The following MUC4 variants were observed in gnomAD, a reference collection of about 807,000 sequenced individuals.
The protein encoded by MUC4 is mucin-4.
MUC4 carries 202 observed loss-of-function variants against 257.9 expected under a neutral mutation model. The observed-to-expected ratio is 0.78, with a 90% CI of 0.70 to 0.88. MUC4 has a LOEUF of 0.88. Among genes scored for constraint, MUC4 ranks in the 40% least tolerant of loss-of-function variants. The pLI is 0.00. For missense variants in MUC4, 5,976 were observed against 6,513.7 expected, an observed-to-expected ratio of 0.92 and a Z score of 2.84; for synonymous variants, 2,351 against 2,757.1, an observed-to-expected ratio of 0.85 and a Z score of 4.62.
Position 195,791,460 on chromosome 3 carries a change from A to G in MUC4, c.120T>C (p.Thr40=). ...AGCCTGTTGAGGTGACTGGGGCAGC[A>G]GTTTTACTTCCAGTTATTAATGTGT... ...TEDTLITGSK[T]AAPVTSTGST... Residue 40 remains threonine (T), a synonymous_variant, in exon 2 of 25, where the codon ACT becomes ACC. Coordinates refer to ENST00000463781, the MANE Select transcript of MUC4 (RefSeq NM_018406.7). 6.2e-7 allele frequency: 1 copy of G among 1,613,888 alleles called. No homozygotes were observed. The highest frequency in any genetic ancestry group is 8.5e-7 in the Non-Finnish European group (1 of 1,179,854).
rs1560266899 is a variant in MUC4, at chr3:195,767,943, C to CTA, written c.13529+1078_13529+1079insTA. On this transcript the variant is annotated intron_variant, in intron 7 of 24. Coordinates refer to ENST00000463781, the MANE Select transcript of MUC4 (RefSeq NM_018406.7). ...ACTGCCACCTCCACCGCCACTACCA[C>CTA]CACCACCACCACCACCACCACCACT... Among the ~76,000 whole-genome samples, 5 of 90,478 alleles carry CTA rather than the reference C, an allele frequency of 5.5e-5. 1 individual carries two copies. The highest frequency in any genetic ancestry group is 9.5e-5 in the African/African-American group (3 of 31,556). The allele number at this position is 90,478 out of a possible 152,430, so 59.4% of individuals were successfully genotyped here.
chr3:195,767,342 C>T (rs1720728302), intron 7 of MUC4, among the ~76,000 whole-genome samples: 1 of 151,952 alleles, frequency 6.6e-6, no homozygotes, highest in Admixed American at 6.6e-5. Flanking sequence ...CTTGATACAA[C>T]AGATGCTGCC....
intron 7 of MUC4, among the ~76,000 whole-genome samples, chr3:195,768,392 A>AGCC: frequency 1.3e-5 from 2 of 152,218 alleles, no homozygotes; most frequent in Non-Finnish European, 2.9e-5. Flanking sequence ...ACACACGGGA[A>AGCC]TCCACATTTC....
At chr3:195,794,608 TG>T (rs1374526859) in intron 1 of MUC4, among the ~76,000 whole-genome samples, 1 of 152,284 alleles carries the variant, frequency 6.6e-6, no homozygotes, top group East Asian at 1.9e-4. Context: ...GCGATCCTCC[TG>T]CTTCAGACTC....
Position 195,761,156 on chromosome 3 carries a change from T to C in MUC4, c.14615-39A>G, listed in dbSNP as rs530035562. 3 of 1,565,308 alleles carry C rather than the reference T, an allele frequency of 1.9e-6. No homozygotes were observed. The East Asian group carries it at 6.7e-5, about 35-fold the overall frequency. ...AGCGCGGTGGTACCAGGCATGGCACTCAGCCTTATTCCATCTGTGTCCACC... is the reference window on the plus strand; with the variant it reads ...AGCGCGGTGGTACCAGGCATGGCACCCAGCCTTATTCCATCTGTGTCCACC... On this transcript the variant is annotated intron_variant, in intron 15 of 24. Transcript: ENST00000463781.
At chr3:195,798,686 A>T (rs1262269777) in intron 1 of MUC4, among the ~76,000 whole-genome samples, 3 of 152,190 alleles carry the variant, frequency 2.0e-5, no homozygotes, top group Non-Finnish European at 2.9e-5. Flanking sequence ...CCTGGGTGAC[A>T]GAGTGAGACT....
chr3:195,767,609 T>C (rs1395752019), intron 7 of MUC4, among the ~76,000 whole-genome samples: 1 of 27,266 alleles, frequency 3.7e-5, no homozygotes, highest in Non-Finnish European at 8.0e-5. Flanking sequence ...ATCATCACCA[T>C]TGCCACCACC....
intron 3 of MUC4, among the ~76,000 whole-genome samples, chr3:195,775,484 C>G (rs77120640): frequency 2.5e-4 from 17 of 67,124 alleles, no homozygotes; most frequent in Non-Finnish European, 3.0e-4. Context: ...ACCTTCCACA[C>G]CCATACCTTC....
intron 14 of MUC4, 60 bp from the exon 15 acceptor site, chr3:195,761,645 G>T: frequency 7.5e-7 from 1 of 1,332,216 alleles, no homozygotes; most frequent in South Asian, 1.2e-5. Flanking sequence ...TTCCTGGGGA[G>T]CATCCGGCGG....
In MUC4 at chr3:195,778,025, T is replaced by C. The variant is rs142278062; in HGVS notation, c.12943+278A>G. Reference sequence around the variant, plus strand: ...GCTCTGCATTCCTTAGGGCCTTCCATTGTGTGCACTTAGACCCTGGGATGA... The same window carrying C: ...GCTCTGCATTCCTTAGGGCCTTCCACTGTGTGCACTTAGACCCTGGGATGA... On this transcript the variant is annotated intron_variant, in intron 3 of 24. Coordinates refer to ENST00000463781, the MANE Select transcript of MUC4 (RefSeq NM_018406.7). Among the ~76,000 whole-genome samples the C allele has an allele frequency of 7.8e-3, 1,182 of 152,286 alleles. 22 individuals carry two copies. The highest frequency in any genetic ancestry group is 0.027 in the African/African-American group (1,136 of 41,552).
In MUC4 at chr3:195,789,445, G is replaced by A; in HGVS notation, c.2135C>T (p.Ala712Val). 6.2e-7 allele frequency: 1 copy of A among 1,613,952 alleles called. No homozygotes were observed. The highest frequency in any genetic ancestry group is 8.5e-7 in the Non-Finnish European group (1 of 1,179,864). ...ATGGCTGCTGGGTGCTGCCTGCAGT[G>A]CTGTGGTCGGGGCCTGGGTTGTGTG... ...DGHTTQAPTTALQAAPSSHDA... is the reference protein window; with the variant it reads ...DGHTTQAPTTVLQAAPSSHDA... The change falls in exon 2 of 25, where the codon GCA becomes GTA. Residue 712 changes from alanine to valine, a missense_variant. Physicochemically the swap from Ala to Val is moderately conservative, Grantham distance 64. Coordinates refer to ENST00000463781, the MANE Select transcript of MUC4 (RefSeq NM_018406.7).
In MUC4 at chr3:195,811,891, T is replaced by A; in HGVS notation, c.-74A>T. On this transcript the variant is annotated 5_prime_UTR_variant, in exon 1 of 25. Coordinates refer to ENST00000463781, the MANE Select transcript of MUC4 (RefSeq NM_018406.7). Reference sequence around the variant, plus strand: ...GCAGCTGCAGTGTGAGGAGCAGACGTGAGCCCGTCCCCTCAGGCGGCTGGC... The same window carrying A: ...GCAGCTGCAGTGTGAGGAGCAGACGAGAGCCCGTCCCCTCAGGCGGCTGGC... 1.4e-6 allele frequency: 2 copies of A among 1,453,988 alleles called. No homozygotes were observed. Among genetic ancestry groups the A allele is most frequent in the Non-Finnish European group, 1.9e-6 (2 of 1,047,656 alleles). The allele number at this position is 1,453,988 out of a possible 1,614,324, so 90.1% of individuals were successfully genotyped here.
intron 7 of MUC4, among the ~76,000 whole-genome samples, chr3:195,767,571 CAT>C: frequency 8.5e-6 from 1 of 117,234 alleles, no homozygotes; most frequent in African/African-American, 4.6e-5. Context: ...TTGCCACCAC[CAT>C]CACCACCACC....
At position 195,761,064 on chromosome 3, in the gene MUC4, T is replaced by C; in HGVS notation, c.14668A>G (p.Asn4890Asp). 1.2e-6 allele frequency: 2 copies of C among 1,614,146 alleles called. No individual in the cohort carries two copies. Among genetic ancestry groups the C allele is most frequent in the Non-Finnish European group, 1.7e-6 (2 of 1,180,004 alleles). The change falls in exon 16 of 25, where the codon AAC becomes GAC. Residue 4890 changes from asparagine to aspartate, a missense_variant. By Grantham distance (23) the Asn-to-Asp change is conservative. Around this residue, in one of 44 missense-constraint regions of MUC4, gnomAD observed 996 missense variants for 1,137.3 expected, o/e 0.88. Coordinates refer to ENST00000463781, the MANE Select transcript of MUC4 (RefSeq NM_018406.7). ...LGKRNDQLPS[N>D]FTPVFYSQLQ... ...TGTGAGTAGAAAACAGGGGTGAAGT[T>C]GGAAGGCAGCTGGTCATTCCTCTTG...
At chr3:195,767,953 C>T (rs1304202946) in intron 7 of MUC4, among the ~76,000 whole-genome samples, 42 of 151,808 alleles carry the variant, frequency 2.8e-4, no homozygotes, top group African/African-American at 9.7e-4. Context: ...CCACCACCAC[C>T]ACCACCACCA....
chr3:195,770,242 C>T lies in MUC4; in HGVS notation c.13372G>A (p.Ala4458Thr), dbSNP rs1454384545. ...CCGAGGGTCCACTGGGCAGGATAGG[C>T]GTGGGCATTGACCCACGTGACCTTT... is the stretch of plus-strand genomic sequence containing the variant. ...ALKVTWVNAH[A>T]YPAQWTLGSN... The change falls in exon 6 of 25, where the codon GCC becomes ACC. Residue 4458 changes from alanine (A) to threonine (T), a missense_variant. Coordinates refer to ENST00000463781, the MANE Select transcript of MUC4 (RefSeq NM_018406.7). 3.7e-6 allele frequency: 6 copies of T among 1,612,922 alleles called. No homozygotes were observed. Among genetic ancestry groups the T allele is most frequent in the Admixed American group, 1.7e-5 (1 of 59,854 alleles).
intron 3 of MUC4, among the ~76,000 whole-genome samples, chr3:195,776,880 C>T (rs1424294319): frequency 1.4e-4 from 2 of 13,908 alleles, no homozygotes; most frequent in African/African-American, 2.1e-4. Flanking sequence ...CCTTCCACAC[C>T]CATACCTTCC....
intron 8 of MUC4, 125 bp downstream of exon 8, chr3:195,766,538 T>G: frequency 1.2e-6 from 1 of 820,566 alleles, no homozygotes; most frequent in Non-Finnish European, 2.0e-6. Flanking sequence ...TTGAACTGTG[T>G]GGGGGAGGCC....
rs770488302 is a variant in MUC4, at chr3:195,789,651, C to T, written c.1929G>A (p.Pro643=). The stretch of plus-strand genomic sequence containing the variant: ...TGGTTTGTGATTCTTGTGTGGTCTG[C>T]GGGGCTTGAGTGTGACCCCTTTGGG... The part of the protein sequence containing the change: ...AVSQRGHTQA[P]QTTQESQTTR... Residue 643 remains proline, a synonymous_variant, in exon 2 of 25, where the codon CCG becomes CCA. Coordinates refer to ENST00000463781, the MANE Select transcript of MUC4 (RefSeq NM_018406.7). 19 of 1,613,744 alleles carry T rather than the reference C, an allele frequency of 1.2e-5. No individual in the cohort carries two copies. The highest frequency in any genetic ancestry group is 3.3e-5 in the South Asian group (3 of 91,070).
Sources: gnomAD v4.1 joint callset for allele counts (sites outside exome capture counted in the v4.1 genomes callset) on GRCh38, gnomAD v4.1.1 for gene constraint, gnomAD v4.1.1 regional missense constraint, MANE v1.5 for transcripts, NCBI Gene and HGNC (gene_info 2026-07-23, HGNC 2026-07-21) for gene names.